KCNQ1: variants seen among roughly 807,000 people sequenced by gnomAD.
The protein encoded by KCNQ1 is potassium voltage-gated channel subfamily KQT member 1.
In KCNQ1, 49 loss-of-function variants were observed where a neutral mutation model predicts 72.4. The observed-to-expected ratio is 0.68, with a 90% CI of 0.54 to 0.86. The LOEUF is 0.86. Among genes scored for constraint, KCNQ1 ranks in the 40% least tolerant of loss-of-function variants. KCNQ1 has a pLI of 0.00. For synonymous variants in KCNQ1, 450 were observed against 412.6 expected (o/e 1.09, Z -1.10); for missense variants, 790 against 945.1 (o/e 0.84, Z 2.15).
intron 15 of KCNQ1, among the ~76,000 whole-genome samples, chr11:2,797,719 C>T (rs1325625673): frequency 6.6e-6 from 1 of 152,160 alleles, no homozygotes; most frequent in Non-Finnish European, 1.5e-5. Context: ...TGCCCCTTCT[C>T]AGGTGTGCGG....
chr11:2,694,142 T>C (rs1392910010), intron 11 of KCNQ1: 1 of 398,530 alleles, frequency 2.5e-6, no homozygotes, highest in African/African-American at 2.1e-5. Context: ...CAAATTATAC[T>C]GCTGACCAGG....
intron 10 of KCNQ1, chr11:2,643,913 C>G: frequency 2.5e-6 from 1 of 398,554 alleles, no homozygotes; most frequent in Non-Finnish European, 4.4e-6. Context: ...TCTTTCAGCA[C>G]TCTGCGTATA....
chr11:2,573,611 G>A (rs1456503577), intron 6 of KCNQ1, among the ~76,000 whole-genome samples: 3 of 152,226 alleles, frequency 2.0e-5, no homozygotes, highest in Non-Finnish European at 4.4e-5. Context: ...GCAGGGACCC[G>A]GCCTGTGGGC....
At chr11:2,625,047 G>T in intron 10 of KCNQ1, 2 of 398,530 alleles carry the variant, frequency 5.0e-6, no homozygotes, top group East Asian at 7.1e-5. Flanking sequence ...ACAATCGTGG[G>T]TATACAAATA....
At position 2,652,546 on chromosome 11, in the gene KCNQ1, C is replaced by T. The variant is rs994114741; in HGVS notation, c.1394-9415C>T. The T allele has an allele frequency of 2.5e-5, 10 of 398,474 alleles. No individual in the cohort carries two copies. Among genetic ancestry groups the T allele is most frequent in the African/African-American group, 2.1e-4 (10 of 48,598 alleles). 24.7% of individuals were successfully genotyped at this position (398,474 alleles called of 1,614,324 possible). ...AACTCTTGGAGAAGATAGTGCTTAA[C>T]CCAGATTCCATTGTATATTAAAGTT... On this transcript the variant is annotated intron_variant, in intron 10 of 15. Coordinates refer to ENST00000155840, the MANE Select transcript of KCNQ1 (RefSeq NM_000218.3). This position sits in a 1 kb window ranked among gnomAD's most constrained non-coding sequence, Gnocchi z 5.9.
At chr11:2,709,857 A>T (rs1421368661) in intron 11 of KCNQ1, among the ~76,000 whole-genome samples, 1 of 152,120 alleles carries the variant, frequency 6.6e-6, no homozygotes, top group African/African-American at 2.4e-5. Flanking sequence ...CATTTTATGG[A>T]TATTATCACA....
Position 2,497,344 on chromosome 11 carries a change from C to G in KCNQ1, c.387-30584C>G, listed in dbSNP as rs1333226746. Among the ~76,000 whole-genome samples, 1 of 152,152 alleles carries G rather than the reference C, an allele frequency of 6.6e-6. No homozygotes were observed. Among genetic ancestry groups the G allele is most frequent in the Non-Finnish European group, 1.5e-5 (1 of 68,032 alleles). ...GGTCTTTTCATATAGTCCCATATTT[C>G]TTGGAGGTTTTGTTCGTTCTTTTTC... On this transcript the variant is annotated intron_variant, in intron 1 of 15. Coordinates refer to ENST00000155840, the MANE Select transcript of KCNQ1 (RefSeq NM_000218.3). The surrounding 1 kb of genome is among the most constrained non-coding windows in gnomAD (Gnocchi z 4.5).
intron 15 of KCNQ1, among the ~76,000 whole-genome samples, chr11:2,796,352 C>T (rs1438887377): frequency 2.6e-5 from 4 of 152,214 alleles, no homozygotes; most frequent in African/African-American, 9.6e-5. Flanking sequence ...TCTCACGGCT[C>T]CTCCCAAACT....
rs912509450 is a variant in KCNQ1 at position 2,692,275 on chromosome 11, A to G, written c.1514+30194A>G. On this transcript the variant is annotated intron_variant, in intron 11 of 15. Coordinates refer to ENST00000155840, the MANE Select transcript of KCNQ1 (RefSeq NM_000218.3). ...CAAGCCAGGCTTACTTCACCCATCC[A>G]TAGTTCTAGAGGTTCCCTGCTTCCC... is the stretch of plus-strand genomic sequence containing the variant. 22 of 398,760 alleles carry G rather than the reference A, an allele frequency of 5.5e-5. No individual in the cohort carries two copies. The highest frequency in any genetic ancestry group is 8.4e-5 in the Non-Finnish European group (19 of 226,294). The allele number at this position is 398,760 out of a possible 1,614,324, so 24.7% of individuals were successfully genotyped here. A position where few individuals can be genotyped will look rare whatever the true frequency, so the allele number is the denominator to read the frequency against.
chr11:2,719,278 G>T (rs1372940235), intron 11 of KCNQ1, among the ~76,000 whole-genome samples: 4 of 151,140 alleles, frequency 2.6e-5, no homozygotes, highest in African/African-American at 9.7e-5. Context: ...AGCACTTTGG[G>T]AGGCCAGGCG....
At chr11:2,755,178 A>G (rs1478161530) in intron 11 of KCNQ1, among the ~76,000 whole-genome samples, 4 of 147,790 alleles carry the variant, frequency 2.7e-5, no homozygotes, top group African/African-American at 1.0e-4. Flanking sequence ...CTCCTCTCTG[A>G]CATTTTTTTT....
chr11:2,840,721 CAT>C (rs1179922864), intron 15 of KCNQ1, among the ~76,000 whole-genome samples: 2 of 152,106 alleles, frequency 1.3e-5, no homozygotes, highest in African/African-American at 2.4e-5. Context: ...TAGGGAAAAA[CAT>C]GTGTGATGTG....
intron 11 of KCNQ1, chr11:2,686,947 C>G (rs1028976415): frequency 1.3e-5 from 5 of 398,494 alleles, no homozygotes. Flanking sequence ...CGGAGCATGC[C>G]CAGCTTACCA....
At position 2,724,674 on chromosome 11, in the gene KCNQ1, G is replaced by A. The variant is rs536356011; in HGVS notation, c.1515-44170G>A. On this transcript the variant is annotated intron_variant, in intron 11 of 15. Coordinates refer to ENST00000155840, the MANE Select transcript of KCNQ1 (RefSeq NM_000218.3). The surrounding 1 kb of genome is among the most constrained non-coding windows in gnomAD (Gnocchi z 6.8). ...CCTCTCACTTCGCTCCCCAGGAGGCGACACTGTGATTGTCCTGGGCTCACA... is the reference window on the plus strand; with the variant it reads ...CCTCTCACTTCGCTCCCCAGGAGGCAACACTGTGATTGTCCTGGGCTCACA... Among the ~76,000 whole-genome samples the A allele has an allele frequency of 3.9e-5, 6 of 152,312 alleles. No individual in the cohort carries two copies. In the East Asian group the frequency reaches 1.2e-3, roughly 29 times the overall value.
At chr11:2,535,396 G>A (rs1314985980) in intron 2 of KCNQ1, among the ~76,000 whole-genome samples, 1 of 152,226 alleles carries the variant, frequency 6.6e-6, no homozygotes, top group Non-Finnish European at 1.5e-5. Context: ...CCCGGCAAGA[G>A]TTCCAAGAAC....
In KCNQ1 at chr11:2,652,014, T is replaced by G; in HGVS notation, c.1394-9947T>G. 2.5e-6 allele frequency: 1 copy of G among 398,696 alleles called. No individual in the cohort carries two copies. The highest frequency in any genetic ancestry group is 4.4e-6 in the Non-Finnish European group (1 of 226,090). The allele number at this position is 398,696 out of a possible 1,614,324, so 24.7% of individuals were successfully genotyped here. On this transcript the variant is annotated intron_variant, in intron 10 of 15. Coordinates refer to ENST00000155840, the MANE Select transcript of KCNQ1 (RefSeq NM_000218.3). This position sits in a 1 kb window ranked among gnomAD's most constrained non-coding sequence, Gnocchi z 5.9. ...ATCAGTTGTTAACATAATTTTGATG[T>G]TGAGCCTCCCCCCAGTTCTGGGGTG...
rs1052274203 is a variant in KCNQ1 at position 2,595,739 on chromosome 11, T to C, written c.1393+6885T>C. 2.0e-5 allele frequency among the ~76,000 whole-genome samples: 3 copies of C among 152,206 alleles called. No individual in the cohort carries two copies. Among genetic ancestry groups the C allele is most frequent in the Non-Finnish European group, 4.4e-5 (3 of 68,040 alleles). ...TTATGGCTGCTAACACAACATCCATTCTGCAGCCCATAATCAAGGAGTAAT... is the reference window on the plus strand; with the variant it reads ...TTATGGCTGCTAACACAACATCCATCCTGCAGCCCATAATCAAGGAGTAAT... On this transcript the variant is annotated intron_variant, in intron 10 of 15. Coordinates refer to ENST00000155840, the MANE Select transcript of KCNQ1 (RefSeq NM_000218.3). The surrounding 1 kb of genome is among the most constrained non-coding windows in gnomAD (Gnocchi z 5.0).
chr11:2,495,538 C>T lies in KCNQ1; in HGVS notation c.387-32390C>T, dbSNP rs754781656. Reference sequence around the variant, plus strand: ...TCCCAGAAATTCTGGTACGTTGTCTCTTTGTTTTCATTTGTTTCAAAGAAT... The same window carrying T: ...TCCCAGAAATTCTGGTACGTTGTCTTTTTGTTTTCATTTGTTTCAAAGAAT... On this transcript the variant is annotated intron_variant, in intron 1 of 15. Coordinates refer to ENST00000155840, the MANE Select transcript of KCNQ1 (RefSeq NM_000218.3). This position sits in a 1 kb window ranked among gnomAD's most constrained non-coding sequence, Gnocchi z 4.6. 1.3e-5 allele frequency among the ~76,000 whole-genome samples: 2 copies of T among 152,182 alleles called. No individual in the cohort carries two copies. The highest frequency in any genetic ancestry group is 1.5e-5 in the Non-Finnish European group (1 of 68,032).
intron 10 of KCNQ1, chr11:2,632,234 A>ACTATC: frequency 2.5e-6 from 1 of 397,258 alleles, no homozygotes; most frequent in Non-Finnish European, 4.4e-6. Context: ...GTACTGACTT[A>ACTATC]CTATCCTGCT....
Sources: gnomAD v4.1 joint callset for allele counts (sites outside exome capture counted in the v4.1 genomes callset) on GRCh38, gnomAD v4.1.1 for gene constraint, Gnocchi (gnomAD v3.1) non-coding constraint, MANE v1.5 for transcripts, NCBI Gene and HGNC (gene_info 2026-07-23, HGNC 2026-07-21) for gene names.